PAH: variants seen among roughly 807,000 people sequenced by gnomAD.
PAH encodes phenylalanine hydroxylase.
Under a neutral mutation model 62.0 loss-of-function variants are expected in PAH, and 64 were observed. The observed-to-expected ratio is 1.03, with a 90% CI of 0.84 to 1.27. The LOEUF (loss-of-function observed/expected upper bound fraction) is 1.27, where lower values mean the gene tolerates loss of function less well. PAH is among the 50% of genes most tolerant of loss of function. PAH has a pLI of 0.00. For missense variants in PAH, 579 were observed against 542.8 expected, an observed-to-expected ratio of 1.07 and a Z score of -0.66; for synonymous variants, 195 against 196.2, an observed-to-expected ratio of 0.99 and a Z score of 0.05.
chr12:102,910,438 C>T (rs568070703), intron 2 of PAH, among the ~76,000 whole-genome samples: 238 of 151,408 alleles, frequency 1.6e-3, no homozygotes, highest in Non-Finnish European at 2.4e-3. Flanking sequence ...TGGCACGATC[C>T]GGGCTCACTG....
chr12:102,935,941 T>C (rs935136865), intron 1 of PAH, among the ~76,000 whole-genome samples: 5 of 151,926 alleles, frequency 3.3e-5, no homozygotes, highest in Non-Finnish European at 7.4e-5. Flanking sequence ...TTTTGTTTGC[T>C]CTTGTTTTTC....
At chr12:102,908,260 C>T (rs1018803723) in intron 2 of PAH, among the ~76,000 whole-genome samples, 36 of 150,428 alleles carry the variant, frequency 2.4e-4, no homozygotes, top group African/African-American at 8.7e-4. Context: ...ACACACATGT[C>T]TTGAGTGCAT....
intron 3 of PAH, among the ~76,000 whole-genome samples, chr12:102,878,825 C>T (rs766541241): frequency 9.9e-5 from 15 of 152,234 alleles, no homozygotes; most frequent in East Asian, 3.9e-4. Flanking sequence ...CTATTTCTGA[C>T]GTACCTTCAA....
At chr12:102,889,088 T>C (rs148915081) in intron 3 of PAH, among the ~76,000 whole-genome samples, 1 of 152,194 alleles carries the variant, frequency 6.6e-6, no homozygotes, top group East Asian at 1.9e-4. Context: ...CTAAGCGGCT[T>C]CTCTCTAAAA....
intron 6 of PAH, 68 bp from the exon 7 acceptor site, chr12:102,853,018 T>A: frequency 6.4e-7 from 1 of 1,563,312 alleles, no homozygotes; most frequent in Non-Finnish European, 8.8e-7. Context: ...AGGAGACCTT[T>A]AGGTAGTGGA....
chr12:102,934,854 C>T (rs1222275146), intron 1 of PAH, among the ~76,000 whole-genome samples: 1 of 152,106 alleles, frequency 6.6e-6, no homozygotes, highest in Non-Finnish European at 1.5e-5. Flanking sequence ...ATCATGTCAT[C>T]TACAAATAAA....
intron 6 of PAH, chr12:102,854,828 AC>A: frequency 2.3e-6 from 1 of 428,022 alleles, no homozygotes; most frequent in African/African-American, 2.0e-5. Flanking sequence ...ACAAAACAAA[AC>A]AAAAAAAAAC....
chr12:102,864,455 G>A (rs866962754), intron 5 of PAH, among the ~76,000 whole-genome samples: 2 of 152,136 alleles, frequency 1.3e-5, no homozygotes, highest in African/African-American at 4.8e-5. Context: ...GCAGTTTACT[G>A]CTTTCCTGGG....
intron 11 of PAH, 74 bp downstream of exon 11, chr12:102,843,572 C>A (rs1874678268): frequency 1.3e-6 from 2 of 1,540,328 alleles, no homozygotes; most frequent in Non-Finnish European, 9.0e-7. Context: ...ACTCTCCTGG[C>A]CAACCACCCA....
chr12:102,937,926 C>A (rs1045071554), intron 1 of PAH, among the ~76,000 whole-genome samples: 1 of 152,138 alleles, frequency 6.6e-6, no homozygotes, highest in Non-Finnish European at 1.5e-5. Context: ...GTTTGAAGAA[C>A]TTTTTGGCTG....
chr12:102,934,994 T>A (rs996554248), intron 1 of PAH, among the ~76,000 whole-genome samples: 6 of 152,120 alleles, frequency 3.9e-5, no homozygotes, highest in African/African-American at 1.4e-4. Context: ...AGAAAGGCTT[T>A]CAGTCTTTCC....
At chr12:102,842,755 T>G (rs113956602) in intron 11 of PAH, among the ~76,000 whole-genome samples, 1,887 of 152,274 alleles carry the variant, frequency 0.012, 39 homozygotes, top group African/African-American at 0.043. Flanking sequence ...AGTCATTTAT[T>G]CTATCACCAC....
intron 12 of PAH, among the ~76,000 whole-genome samples, chr12:102,839,692 T>G (rs1390678239): frequency 6.6e-6 from 1 of 152,272 alleles, no homozygotes; most frequent in South Asian, 2.1e-4. Context: ...TTGATTCTGA[T>G]GCACATTCAA....
chr12:102,958,272 G>T, exon 1 of PAH: 2 of 1,474,638 alleles, frequency 1.4e-6, no homozygotes, highest in Middle Eastern at 2.2e-4. Context: ...GATGGAGAGC[G>T]GCGGCGCCGG....
intron 7 of PAH, among the ~76,000 whole-genome samples, chr12:102,852,484 G>A (rs573055369): frequency 3.3e-5 from 5 of 152,290 alleles, no homozygotes; most frequent in African/African-American, 1.2e-4. Flanking sequence ...TACTTAGGAA[G>A]TATTGAGATA....
At chr12:102,900,830 C>T (rs1458673539) in intron 2 of PAH, among the ~76,000 whole-genome samples, 2 of 152,036 alleles carry the variant, frequency 1.3e-5, no homozygotes, top group African/African-American at 4.8e-5. Flanking sequence ...GACCCATATA[C>T]GCTCACCACA....
chr12:102,879,461 C>G (rs1294407680), intron 3 of PAH, among the ~76,000 whole-genome samples: 1 of 151,712 alleles, frequency 6.6e-6, no homozygotes, highest in Non-Finnish European at 1.5e-5. Context: ...CAGCTGCATT[C>G]CAGCAAAACA....
chr12:102,956,749 AG>A (rs1243451206), intron 1 of PAH, among the ~76,000 whole-genome samples: 5 of 151,084 alleles, frequency 3.3e-5, no homozygotes, highest in African/African-American at 4.9e-5. Context: ...GCGATGGTAC[AG>A]GGGGCCAGAG....
Position 102,912,840 on chromosome 12 carries a change from GAGA to G in PAH, c.116_118del (p.Phe39del), listed in dbSNP as rs199475565. On this transcript the variant is annotated inframe_deletion, in exon 2 of 13. Transcript: ENST00000553106. ...CAATGCACCAACTTCTTCTTTGAGTGAGAAGATCAGTGATATGGCACCATTTTG... is the reference window on the plus strand; with the variant it reads ...CAATGCACCAACTTCTTCTTTGAGTGAGATCAGTGATATGGCACCATTTTG... The G allele has an allele frequency of 7.4e-6, 12 of 1,613,654 alleles. No homozygotes were observed. The highest frequency in any genetic ancestry group is 1.0e-5 in the Non-Finnish European group (12 of 1,179,622).
Sources: allele counts gnomAD v4.1 joint callset (sites outside exome capture counted in the v4.1 genomes callset), GRCh38; gene constraint gnomAD v4.1.1; transcripts MANE v1.5; gene names NCBI Gene and HGNC (gene_info 2026-07-23, HGNC 2026-07-21).